The following CCSER1 variants were observed in gnomAD, a reference collection of about 807,000 sequenced individuals.
CCSER1 encodes coiled-coil serine rich protein 1, also known as serine-rich coiled-coil domain-containing protein 1.
In CCSER1, 41 loss-of-function variants were observed where a neutral mutation model predicts 82.0. The observed-to-expected ratio is 0.50, with a 90% CI of 0.39 to 0.65. CCSER1 has a LOEUF of 0.65. CCSER1 is among the 30% of genes least tolerant of loss of function. The probability of loss-of-function intolerance (pLI) is 0.00; values close to 1 mark genes in which losing one functional copy is unlikely to be tolerated. For missense variants in CCSER1, 1,119 were observed against 1,064.2 expected (o/e 1.05, Z -0.72); for synonymous variants, 414 against 383.9 (o/e 1.08, Z -0.92).
chr4:90,928,305 C>T (rs1047214613), intron 9 of CCSER1, among the ~76,000 whole-genome samples: 16 of 152,100 alleles, frequency 1.1e-4, no homozygotes, highest in Non-Finnish European at 1.9e-4. Flanking sequence ...TTATCTGCCA[C>T]GGGTGCTTAT....
chr4:90,897,374 G>A (rs1037482598), intron 8 of CCSER1, among the ~76,000 whole-genome samples: 11 of 151,834 alleles, frequency 7.2e-5, no homozygotes, highest in African/African-American at 2.2e-4. Flanking sequence ...CCACTTATAA[G>A]TGAGAACATA....
At position 91,363,108 on chromosome 4, in the gene CCSER1, G is replaced by A. The variant is rs557364841; in HGVS notation, c.2218-235464G>A. Among the ~76,000 whole-genome samples the A allele has an allele frequency of 5.3e-5, 8 of 150,874 alleles. No individual in the cohort carries two copies. The South Asian group carries it at 6.3e-4, about 12-fold the overall frequency. On this transcript the variant is annotated intron_variant, in intron 10 of 10. Coordinates refer to ENST00000509176, the MANE Select transcript of CCSER1 (RefSeq NM_001145065.2). ...GAAACTCTCTTACAAATTTTCATTC[G>A]TGAGTCATTTCCTCAAAAAACAAAA... is the stretch of plus-strand genomic sequence containing the variant.
At chr4:91,148,045 T>G (rs1729719667) in intron 10 of CCSER1, among the ~76,000 whole-genome samples, 1 of 152,190 alleles carries the variant, frequency 6.6e-6, no homozygotes, top group Admixed American at 6.5e-5. Flanking sequence ...ATTTGCTTGA[T>G]TTTACCATAG....
intron 6 of CCSER1, among the ~76,000 whole-genome samples, chr4:90,723,212 T>C (rs1321642632): frequency 2.0e-5 from 3 of 151,992 alleles, no homozygotes; most frequent in Non-Finnish European, 4.4e-5. Context: ...AAATTAATGA[T>C]GAACTTCTAA....
In CCSER1 at chr4:91,380,503, G is replaced by A. The variant is rs550031940; in HGVS notation, c.2218-218069G>A. ...ATTGATCCCTTTACCGTTATGTAAT[G>A]TCCTTCTTTGTCTCTTTTGATCTTT... On this transcript the variant is annotated intron_variant, in intron 10 of 10. Coordinates refer to ENST00000509176, the MANE Select transcript of CCSER1 (RefSeq NM_001145065.2). Among the ~76,000 whole-genome samples, 5 of 152,234 alleles carry A rather than the reference G, an allele frequency of 3.3e-5. 1 individual carries two copies. Among genetic ancestry groups the A allele is most frequent in the African/African-American group, 1.2e-4 (5 of 41,534 alleles).
intron 7 of CCSER1, among the ~76,000 whole-genome samples, chr4:90,785,385 T>C (rs1054756961): frequency 1.3e-5 from 2 of 152,186 alleles, no homozygotes; most frequent in African/African-American, 4.8e-5. Context: ...TATTATGTTA[T>C]AATCCTGTGA....
chr4:90,256,581 T>C (rs1464926121), intron 1 of CCSER1, among the ~76,000 whole-genome samples: 1 of 152,160 alleles, frequency 6.6e-6, no homozygotes, highest in African/African-American at 2.4e-5. Flanking sequence ...GTCAGCAGAA[T>C]ACTTCTCTAG....
intron 5 of CCSER1, among the ~76,000 whole-genome samples, chr4:90,586,049 C>A (rs1268013068): frequency 6.6e-6 from 1 of 152,164 alleles, no homozygotes; most frequent in Non-Finnish European, 1.5e-5. Context: ...CAGGGGTCCC[C>A]AATCCCTGAT....
intron 5 of CCSER1, among the ~76,000 whole-genome samples, chr4:90,625,782 T>C (rs1723146239): frequency 6.6e-6 from 1 of 152,118 alleles, no homozygotes. Context: ...TAAAAATATA[T>C]TCAAATTATT....
chr4:91,213,946 G>A (rs1737037427), intron 10 of CCSER1, among the ~76,000 whole-genome samples: 1 of 152,052 alleles, frequency 6.6e-6, no homozygotes, highest in Admixed American at 6.6e-5. Context: ...CTATATTTAT[G>A]GAAATGCCAG....
intron 10 of CCSER1, among the ~76,000 whole-genome samples, chr4:91,361,702 T>A (rs925838754): frequency 6.6e-6 from 1 of 151,748 alleles, no homozygotes; most frequent in African/African-American, 2.4e-5. Context: ...CACTAATTAA[T>A]TTAGTTTGAA....
At chr4:90,884,928 G>A (rs1721898322) in intron 8 of CCSER1, among the ~76,000 whole-genome samples, 1 of 152,058 alleles carries the variant, frequency 6.6e-6, no homozygotes, top group African/African-American at 2.4e-5. Context: ...CAATACTGTT[G>A]TGAAATAAAA....
At chr4:90,308,170 A>G (rs1734645796) in intron 1 of CCSER1, 74 bp from the exon 2 acceptor site, 1 of 1,125,228 alleles carries the variant, frequency 8.9e-7, no homozygotes, top group Non-Finnish European at 1.2e-6. Flanking sequence ...CTCGAAAAGC[A>G]ATATTTTGTT....
chr4:90,845,460 G>A (rs17248550), intron 8 of CCSER1, among the ~76,000 whole-genome samples: 14,524 of 151,036 alleles, frequency 0.096, 746 homozygotes, highest in African/African-American at 0.12. Context: ...TAATAAATTT[G>A]CCCTTTCTCC....
intron 10 of CCSER1, among the ~76,000 whole-genome samples, chr4:91,530,700 T>G (rs990040446): frequency 9.0e-6 from 1 of 111,220 alleles, no homozygotes; most frequent in Admixed American, 9.2e-5. Flanking sequence ...TTTTTTTTTT[T>G]GAGACAGAGT....
intron 5 of CCSER1, among the ~76,000 whole-genome samples, chr4:90,556,510 C>T (rs979019079): frequency 5.9e-5 from 9 of 152,018 alleles, no homozygotes; most frequent in African/African-American, 1.9e-4. Flanking sequence ...TCCACAAAAA[C>T]TTTAACTACT....
chr4:90,582,266 C>T (rs1403595425), intron 5 of CCSER1, among the ~76,000 whole-genome samples: 2 of 152,092 alleles, frequency 1.3e-5, no homozygotes, highest in Admixed American at 1.3e-4. Context: ...TGGCAAAGGG[C>T]CAGTTCTGAA....
chr4:91,423,744 C>A (rs1050911109), intron 10 of CCSER1, among the ~76,000 whole-genome samples: 1 of 152,032 alleles, frequency 6.6e-6, no homozygotes, highest in African/African-American at 2.4e-5. Context: ...TATAAAAATA[C>A]TGGTCATCTC....
chr4:91,216,705 T>C (rs931492049), intron 10 of CCSER1, among the ~76,000 whole-genome samples: 3 of 152,240 alleles, frequency 2.0e-5, no homozygotes, highest in Non-Finnish European at 4.4e-5. Flanking sequence ...CTTTCCTATA[T>C]TATTTTACCC....
Sources: gnomAD v4.1 joint callset for allele counts (sites outside exome capture counted in the v4.1 genomes callset) on GRCh38, gnomAD v4.1.1 for gene constraint, MANE v1.5 for transcripts, NCBI Gene and HGNC (gene_info 2026-07-23, HGNC 2026-07-21) for gene names.